Variants in CFAP53 observed in about 807,000 individuals in gnomAD.
CFAP53 encodes cilia and flagella associated protein 53, also known as cilia- and flagella-associated protein 53.
CFAP53 carries 62 observed loss-of-function variants against 59.7 expected under a neutral mutation model. That is an observed-to-expected ratio of 1.04 (90% CI 0.85 to 1.28). CFAP53 has a LOEUF of 1.28. CFAP53 is among the 50% of genes most tolerant of loss of function. CFAP53 has a pLI of 0.00. For missense variants in CFAP53, 629 were observed against 615.6 expected, an observed-to-expected ratio of 1.02 and a Z score of -0.23; for synonymous variants, 218 against 205.7, an observed-to-expected ratio of 1.06 and a Z score of -0.51.
At chr18:50,256,068 T>C (rs185612663) in intron 3 of CFAP53, 2 of 152,210 alleles carry the variant, frequency 1.3e-5, no homozygotes, top group Admixed American at 6.5e-5. Flanking sequence ...ATAGGATACA[T>C]TCGTTTCTTT....
chr18:50,242,815 T>C (rs2144412417), intron 6 of CFAP53, 85 bp downstream of exon 6: 2 of 1,100,718 alleles, frequency 1.8e-6, no homozygotes, highest in East Asian at 4.7e-5. Flanking sequence ...TTTTACATAA[T>C]AAGTATTATG....
At chr18:50,227,896 A>C in intron 7 of CFAP53, among the ~76,000 whole-genome samples, 1 of 134,772 alleles carries the variant, frequency 7.4e-6, no homozygotes, top group African/African-American at 2.8e-5. Context: ...CCCTTCCCTT[A>C]CTCTTCTCTA....
chr18:50,253,055 C>T (rs1480131879), intron 3 of CFAP53, among the ~76,000 whole-genome samples: 8 of 150,472 alleles, frequency 5.3e-5, no homozygotes, highest in Middle Eastern at 3.2e-3. Flanking sequence ...CTCGCTCTGT[C>T]GCCCAGGCTG....
At position 50,266,361 on chromosome 18, in the gene CFAP53, C is replaced by T. The variant is rs779359675; in HGVS notation, c.44G>A (p.Gly15Asp). The change falls in exon 1 of 8, where the codon GGC becomes GAC. Residue 15 changes from glycine to aspartate, a missense_variant. Physicochemically the swap from Gly to Asp is moderately conservative, Grantham distance 94. Transcript: ENST00000398545. ...CACGATCACCACTTTGGGGGTGGGG[C>T]CCTTAACCTCCCGCTGTACGGTGCC... ...RFGTVQREVK[G>D]PTPKVVIVRS... is the part of the protein sequence containing the mutation. 38 of 1,614,124 alleles carry T rather than the reference C, an allele frequency of 2.4e-5. No individual in the cohort carries two copies. Among genetic ancestry groups the T allele is most frequent in the Non-Finnish European group, 3.0e-5 (35 of 1,180,038 alleles).
At chr18:50,263,430 G>A (rs1421201212) in intron 1 of CFAP53, among the ~76,000 whole-genome samples, 1 of 152,188 alleles carries the variant, frequency 6.6e-6, no homozygotes, top group African/African-American at 2.4e-5. Flanking sequence ...TTTGAAGACA[G>A]TTTAATGAAA....
At chr18:50,243,818 G>A (rs987768405) in intron 5 of CFAP53, among the ~76,000 whole-genome samples, 1 of 152,110 alleles carries the variant, frequency 6.6e-6, no homozygotes, top group South Asian at 2.1e-4. Context: ...TGGACGTGGT[G>A]GTGGGCGCCT....
At chr18:50,265,682 T>C (rs1297928611) in intron 1 of CFAP53, among the ~76,000 whole-genome samples, 1 of 152,200 alleles carries the variant, frequency 6.6e-6, no homozygotes, top group Non-Finnish European at 1.5e-5. Context: ...AAAATCTACA[T>C]GTATGGACCA....
chr18:50,231,936 C>T (rs1044950789), intron 7 of CFAP53, among the ~76,000 whole-genome samples: 12 of 152,310 alleles, frequency 7.9e-5, no homozygotes, highest in Middle Eastern at 3.4e-3. Flanking sequence ...ACCCCCTCTC[C>T]TGGGCCAACA....
At chr18:50,237,327 A>AAAAAAATAT (rs2033644797) in intron 7 of CFAP53, among the ~76,000 whole-genome samples, 1 of 7,950 alleles carries the variant, frequency 1.3e-4, no homozygotes, top group Non-Finnish European at 4.4e-4. Flanking sequence ...AAAAAAAAAA[A>AAAAAAATAT]AAATATATAT....
intron 6 of CFAP53, among the ~76,000 whole-genome samples, chr18:50,240,442 T>C (rs1043902312): frequency 6.6e-6 from 1 of 152,192 alleles, no homozygotes; most frequent in African/African-American, 2.4e-5. Context: ...TCAGAATTAG[T>C]TTAGCCTGTG....
In CFAP53 at chr18:50,236,502, A is replaced by G. The variant is rs572876963; in HGVS notation, c.1316+2101T>C. On this transcript the variant is annotated intron_variant, in intron 7 of 7. Coordinates refer to ENST00000398545, the MANE Select transcript of CFAP53 (RefSeq NM_145020.5). ...GTAATGCTATGCCAGTCCCAGGTGT[A>G]GCTCTTAACTGGCCTGGCAGCTGCT... 3.9e-5 allele frequency among the ~76,000 whole-genome samples: 6 copies of G among 152,308 alleles called. 1 individual carries two copies. Among genetic ancestry groups the G allele is most frequent in the African/African-American group, 1.4e-4 (6 of 41,564 alleles).
rs779378726 is a variant in CFAP53, at chr18:50,227,639, A to G, written c.1317-30T>C. The G allele has an allele frequency of 1.1e-5, 17 of 1,483,660 alleles. No individual in the cohort carries two copies. In the East Asian group the frequency reaches 3.8e-4, roughly 34 times the overall value. 91.9% of individuals were successfully genotyped at this position (1,483,660 alleles called of 1,614,324 possible). On this transcript the variant is annotated intron_variant, in intron 7 of 7. Transcript: ENST00000398545. ...AGTATTAGAAATGTCAAAGCATAAA[A>G]TTATAAAAGTAAGCATTTAGATTTA... is the stretch of plus-strand genomic sequence containing the variant.
Position 50,251,657 on chromosome 18 carries a change from A to T in CFAP53, c.601T>A (p.Phe201Ile), listed in dbSNP as rs2033801950. The change falls in exon 4 of 8, where the codon TTC (phenylalanine) becomes ATC (isoleucine). Residue 201 changes from phenylalanine to isoleucine, a missense_variant. Transcript: ENST00000398545. ...CGGTCTTCCTCCCAGAGTTTGGAGA[A>T]CATCTGCTCTTCCACCAGCTTTTGC... ...SRQKLVEEQM[F>I]SKLWEEDRLA... 7 of 1,614,186 alleles carry T rather than the reference A, an allele frequency of 4.3e-6. No individual in the cohort carries two copies. In the South Asian group the frequency reaches 5.5e-5, roughly 13 times the overall value.
Position 50,266,448 on chromosome 18 carries a change from C to G in CFAP53, c.-44G>C. ...ACGGGGGCGGCGTCCGCCGCGTTTC[C>G]CCCAACCGTGGCGACCTGCGGGACC... On this transcript the variant is annotated 5_prime_UTR_variant, in exon 1 of 8. Transcript: ENST00000398545. 6.3e-7 allele frequency: 1 copy of G among 1,599,546 alleles called. No individual in the cohort carries two copies. The highest frequency in any genetic ancestry group is 8.6e-7 in the Non-Finnish European group (1 of 1,166,678).
At chr18:50,260,108 T>C (rs1222459560) in intron 3 of CFAP53, among the ~76,000 whole-genome samples, 1 of 152,210 alleles carries the variant, frequency 6.6e-6, no homozygotes, top group Non-Finnish European at 1.5e-5. Flanking sequence ...GGTACTCCCA[T>C]ACAAATCTTC....
chr18:50,243,688 A>G (rs2033714692), intron 5 of CFAP53, among the ~76,000 whole-genome samples: 2 of 152,194 alleles, frequency 1.3e-5, no homozygotes, highest in African/African-American at 4.8e-5. Flanking sequence ...TCAGTGGCTC[A>G]AGCCTGTAAT....
chr18:50,243,089 A>T lies in CFAP53; in HGVS notation c.1024T>A (p.Tyr342Asn), dbSNP rs376614530. The change falls in exon 6 of 8, where the codon TAC becomes AAC. Residue 342 changes from tyrosine (Y) to asparagine (N), a missense_variant. By Grantham distance (143) the Tyr-to-Asn change is moderately radical. Transcript: ENST00000398545. ...CGTCTCTGTGCCAAATATTTATGGT[A>T]TATCTTCTGTTCTCTTATCATATCT... ...REDMIREQKI[Y>N]HKYLAQRREE... 2 of 1,612,712 alleles carry T rather than the reference A, an allele frequency of 1.2e-6. No homozygotes were observed. The highest frequency in any genetic ancestry group is 1.7e-6 in the Non-Finnish European group (2 of 1,179,376).
chr18:50,245,038 G>A (rs1452635526), intron 5 of CFAP53, among the ~76,000 whole-genome samples: 7 of 134,848 alleles, frequency 5.2e-5, no homozygotes, highest in Non-Finnish European at 1.1e-4. Flanking sequence ...ACTCGAGCCT[G>A]GGTGACAGAA....
chr18:50,240,973 C>T (rs1165364273), intron 6 of CFAP53, among the ~76,000 whole-genome samples: 8 of 152,192 alleles, frequency 5.3e-5, no homozygotes, highest in African/African-American at 1.2e-4. Flanking sequence ...CTGCTTGAAG[C>T]TGAGGGAACA....
Sources: allele counts gnomAD v4.1 joint callset (sites outside exome capture counted in the v4.1 genomes callset), GRCh38; gene constraint gnomAD v4.1.1; transcripts MANE v1.5; gene names NCBI Gene and HGNC (gene_info 2026-07-23, HGNC 2026-07-21).